GPRIN3: variants seen among roughly 807,000 people sequenced by gnomAD.
GPRIN3 encodes the protein G protein-regulated inducer of neurite outgrowth 3.
Under a neutral mutation model 13.7 loss-of-function variants are expected in GPRIN3, and 12 were observed. The ratio of observed to expected loss-of-function variants is 0.87; its 90% CI spans 0.56 to 1.42. The LOEUF is 1.42. Among genes scored for constraint, GPRIN3 ranks in the 40% most tolerant of loss-of-function variants. The probability of loss-of-function intolerance (pLI) is 0.00; values close to 1 mark genes in which losing one functional copy is unlikely to be tolerated. For missense variants in GPRIN3, 1,009 were observed against 958.7 expected (o/e 1.05, Z -0.69); for synonymous variants, 377 against 372.7 (o/e 1.01, Z -0.13).
Position 89,260,623 on chromosome 4 carries a change from T to C in GPRIN3, c.-123-10390A>G, listed in dbSNP as rs141211858. 4.7e-3 allele frequency among the ~76,000 whole-genome samples: 713 copies of C among 152,314 alleles called. 7 individuals are homozygous for C. The highest frequency in any genetic ancestry group is 0.016 in the African/African-American group (676 of 41,554). ...TATATAATTAAGTGGCTTAATGCAG[T>C]GGTAATAAACTGCTTTGTAGATGTT... On this transcript the variant is annotated intron_variant, in intron 1 of 1. Coordinates refer to ENST00000609438, the MANE Select transcript of GPRIN3 (RefSeq NM_198281.3).
chr4:89,263,655 T>C (rs1476585818), intron 1 of GPRIN3, among the ~76,000 whole-genome samples: 1 of 152,240 alleles, frequency 6.6e-6, no homozygotes, highest in Non-Finnish European at 1.5e-5. Flanking sequence ...GTACCCCATC[T>C]TTAGCTGAAC....
chr4:89,282,653 C>A (rs1338064646), intron 1 of GPRIN3, among the ~76,000 whole-genome samples: 4 of 149,092 alleles, frequency 2.7e-5, no homozygotes, highest in African/African-American at 1.0e-4. Flanking sequence ...TATGTGTTGC[C>A]CAAGACAATT....
chr4:89,304,972 T>C (rs978877875), intron 1 of GPRIN3, among the ~76,000 whole-genome samples: 3 of 152,186 alleles, frequency 2.0e-5, no homozygotes. Flanking sequence ...TTAAGGTAAA[T>C]ATAATTTCTA....
intron 1 of GPRIN3, among the ~76,000 whole-genome samples, chr4:89,301,348 A>G (rs1203036506): frequency 1.3e-5 from 2 of 152,234 alleles, no homozygotes; most frequent in Non-Finnish European, 2.9e-5. Flanking sequence ...TATATTCAGC[A>G]TATCTGTCCT....
At chr4:89,258,756 C>A (rs2149262867) in intron 1 of GPRIN3, among the ~76,000 whole-genome samples, 1 of 152,280 alleles carries the variant, frequency 6.6e-6, no homozygotes, top group South Asian at 2.1e-4. Context: ...TCTCAAATTC[C>A]TTCAGCTTAA....
chr4:89,243,445 C>A lies in GPRIN3; in HGVS notation c.*4335G>T, dbSNP rs1288098167. On this transcript the variant is annotated 3_prime_UTR_variant, in exon 2 of 2. Transcript: ENST00000609438. ...TGACCCGAATTTGGAGAGAATCAAC[C>A]AAAAAGGGCCACGCACAACATCAGG... is the stretch of plus-strand genomic sequence containing the variant. 9 of 152,034 alleles carry A rather than the reference C, an allele frequency of 5.9e-5. No individual in the cohort carries two copies. Among genetic ancestry groups the A allele is most frequent in the Admixed American group, 5.9e-4 (9 of 15,280 alleles). 9.4% of individuals were successfully genotyped at this position (152,034 alleles called of 1,614,324 possible). A position where few individuals can be genotyped will look rare whatever the true frequency, so the allele number is the denominator to read the frequency against.
At chr4:89,290,633 T>C (rs965547615) in intron 1 of GPRIN3, among the ~76,000 whole-genome samples, 1 of 152,138 alleles carries the variant, frequency 6.6e-6, no homozygotes, top group African/African-American at 2.4e-5. Context: ...GATTATAGGA[T>C]TTACCATAAT....
intron 1 of GPRIN3, among the ~76,000 whole-genome samples, chr4:89,272,355 A>G (rs1449244393): frequency 6.6e-6 from 1 of 152,202 alleles, no homozygotes; most frequent in Non-Finnish European, 1.5e-5. Context: ...GAGTGGGATC[A>G]TGCCTACCAT....
chr4:89,303,010 T>C (rs1404460252), intron 1 of GPRIN3, among the ~76,000 whole-genome samples: 1 of 152,092 alleles, frequency 6.6e-6, no homozygotes, highest in African/African-American at 2.4e-5. Flanking sequence ...ATTGTTCTAT[T>C]CCAGAGAAAA....
intron 1 of GPRIN3, among the ~76,000 whole-genome samples, chr4:89,274,421 T>C (rs1485625441): frequency 1.3e-5 from 2 of 152,294 alleles, no homozygotes; most frequent in East Asian, 3.9e-4. Context: ...TCCAGGGGGT[T>C]CGTGACGTCA....
chr4:89,283,544 T>C (rs759681324), intron 1 of GPRIN3, among the ~76,000 whole-genome samples: 13 of 152,112 alleles, frequency 8.5e-5, no homozygotes, highest in Non-Finnish European at 1.6e-4. Context: ...AGGAAGTTCA[T>C]ATCTAGTGGG....
intron 1 of GPRIN3, among the ~76,000 whole-genome samples, chr4:89,307,269 TCACACACACACA>T (rs57752539): frequency 8.2e-5 from 12 of 147,182 alleles, no homozygotes; most frequent in Admixed American, 6.1e-4. Context: ...GAGACAAATG[TCACACACACACA>T]CACACACACA....
In GPRIN3 at chr4:89,307,378, C is replaced by T. The variant is rs62306574; in HGVS notation, c.-124+237G>A. Among the ~76,000 whole-genome samples, 733 of 152,138 alleles carry T rather than the reference C, an allele frequency of 4.8e-3. 12 individuals are homozygous for T. The highest frequency in any genetic ancestry group is 5.6e-3 in the Non-Finnish European group (378 of 67,970). The stretch of plus-strand genomic sequence containing the variant: ...GCCCACGATCAGCAGGCGTCTTCTC[C>T]CATTTACCTTCAAAGCCAGAGCCAA... On this transcript the variant is annotated intron_variant, in intron 1 of 1. Transcript: ENST00000609438.
At chr4:89,286,104 T>TATA (rs1724407246) in intron 1 of GPRIN3, among the ~76,000 whole-genome samples, 1 of 151,178 alleles carries the variant, frequency 6.6e-6, no homozygotes, top group African/African-American at 2.4e-5. Flanking sequence ...TATATATATA[T>TATA]ATATATATAT....
chr4:89,283,065 C>T (rs907306370), intron 1 of GPRIN3, among the ~76,000 whole-genome samples: 7 of 152,180 alleles, frequency 4.6e-5, no homozygotes, highest in Admixed American at 3.9e-4. Flanking sequence ...CAAAGATAGC[C>T]AAGGCCTTTA....
chr4:89,286,076 C>T (rs1267526474), intron 1 of GPRIN3, among the ~76,000 whole-genome samples: 7 of 109,400 alleles, frequency 6.4e-5, no homozygotes, highest in Admixed American at 3.1e-4. Flanking sequence ...TACATGTGTA[C>T]GTGTATGTGT....
At chr4:89,297,879 CG>C (rs1474300377) in intron 1 of GPRIN3, among the ~76,000 whole-genome samples, 1 of 152,104 alleles carries the variant, frequency 6.6e-6, no homozygotes, top group Non-Finnish European at 1.5e-5. Context: ...TCTAAAACAG[CG>C]GCCCTTAAGC....
chr4:89,258,229 G>T (rs1452344979), intron 1 of GPRIN3, among the ~76,000 whole-genome samples: 1 of 115,040 alleles, frequency 8.7e-6, no homozygotes, highest in Non-Finnish European at 1.9e-5. Context: ...TTAAGCCTGA[G>T]CATTTTTTTT....
At chr4:89,305,946 G>A (rs1578122973) in intron 1 of GPRIN3, among the ~76,000 whole-genome samples, 1 of 152,232 alleles carries the variant, frequency 6.6e-6, no homozygotes, top group East Asian at 1.9e-4. Flanking sequence ...TTAGTGATTA[G>A]GTGAAGGCTC....
Sources: gnomAD v4.1 joint callset for allele counts (sites outside exome capture counted in the v4.1 genomes callset) on GRCh38, gnomAD v4.1.1 for gene constraint, MANE v1.5 for transcripts, NCBI Gene and HGNC (gene_info 2026-07-23, HGNC 2026-07-21) for gene names.